The following TSC2 variants were observed in gnomAD, a reference collection of about 807,000 sequenced individuals.
TSC2 encodes the protein tuberin.
TSC2 carries 29 observed loss-of-function variants against 202.2 expected under a neutral mutation model. The observed-to-expected ratio is 0.14, with a 90% CI of 0.11 to 0.20. The LOEUF (loss-of-function observed/expected upper bound fraction) is 0.20. Ranked by LOEUF, TSC2 falls within the 10% of genes least tolerant of loss-of-function variation. TSC2 has a pLI of 1.00. For synonymous variants in TSC2, 1,349 were observed against 1,044.0 expected (o/e 1.29, Z -5.63); for missense variants, 2,429 against 2,420.0 (o/e 1.00, Z -0.08).
intron 20 of TSC2, 130 bp from the exon 21 acceptor site, chr16:2,072,719 G>C (rs960712665): frequency 6.8e-7 from 1 of 1,470,528 alleles, no homozygotes; most frequent in South Asian, 1.2e-5. Flanking sequence ...TCCTGGGAGG[G>C]AGGCAAGAAG....
chr16:2,062,345 G>A (rs1396536857), intron 12 of TSC2, 152 bp from the exon 13 acceptor site: 12 of 758,046 alleles, frequency 1.6e-5, no homozygotes, highest in South Asian at 1.1e-4. Context: ...AGTCTTCCCC[G>A]CTGCCAGGAG....
chr16:2,087,593 C>A (rs966857597), intron 38 of TSC2, among the ~76,000 whole-genome samples: 3 of 151,958 alleles, frequency 2.0e-5, no homozygotes, highest in Non-Finnish European at 4.4e-5. Context: ...TGGCTGCAGA[C>A]ACCCTGGGGG....
intron 19 of TSC2, 68 bp downstream of exon 19, chr16:2,072,002 C>G (rs1280626559): frequency 6.6e-7 from 1 of 1,507,558 alleles, no homozygotes; most frequent in African/African-American, 1.4e-5. Flanking sequence ...TGCCACCTGC[C>G]TGCTGGGCCT....
chr16:2,062,076 G>T, intron 12 of TSC2, 68 bp downstream of exon 12: 1 of 1,604,974 alleles, frequency 6.2e-7, no homozygotes, highest in East Asian at 2.2e-5. Context: ...GCTGGGTGAA[G>T]TGCAGCTTTC....
At chr16:2,088,385 G>C in intron 41 of TSC2, 60 bp downstream of exon 41, 1 of 1,612,424 alleles carries the variant, frequency 6.2e-7, no homozygotes, top group East Asian at 2.2e-5. Flanking sequence ...TGGGGCGGGT[G>C]TGTGGGCAGA....
Position 2,063,015 on chromosome 16 carries a change from C to T in TSC2, c.1405C>T (p.Leu469=), listed in dbSNP as rs1596307389. 1 of 1,551,528 alleles carries T rather than the reference C, an allele frequency of 6.4e-7. No homozygotes were observed. Among genetic ancestry groups the T allele is most frequent in the East Asian group, 2.4e-5 (1 of 40,924 alleles). Residue 469 remains leucine (L), a synonymous_variant, in exon 14 of 42, where the codon CTG becomes TTG. Transcript: ENST00000219476. The part of the protein sequence containing the change: ...GAVRIKVLDV[L]SFVLLINRQF... ...CGTGCGCATCAAGGTGCTGGACGTG[C>T]TGTCCTTTGTGCTGCTCATCAACAG...
At chr16:2,087,180 C>T (rs931192880) in intron 38 of TSC2, 1 of 459,480 alleles carries the variant, frequency 2.2e-6, no homozygotes, top group Non-Finnish European at 4.1e-6. Flanking sequence ...CCCCCACCAT[C>T]TCCCCAGTGG....
chr16:2,067,559 T>A (rs940680172), intron 16 of TSC2, among the ~76,000 whole-genome samples: 6 of 151,508 alleles, frequency 4.0e-5, no homozygotes, highest in Admixed American at 1.3e-4. Context: ...TCACCTGAGG[T>A]TGGGAGTTCA....
chr16:2,086,093 G>A (rs2151566249), intron 36 of TSC2, 100 bp from the exon 37 acceptor site: 4 of 1,416,506 alleles, frequency 2.8e-6, no homozygotes, highest in Admixed American at 1.8e-5. Flanking sequence ...TCAGGGATCA[G>A]AGTGGGGCTC....
In TSC2 at chr16:2,062,021, C is replaced by G. The variant is rs780010894; in HGVS notation, c.1257+13C>G. 2.5e-6 allele frequency: 4 copies of G among 1,613,978 alleles called. No homozygotes were observed. The highest frequency in any genetic ancestry group is 3.4e-6 in the Non-Finnish European group (4 of 1,179,996). On this transcript the variant is annotated intron_variant, in intron 12 of 41. Transcript: ENST00000219476. ...GGACCAGAGGCCTGTGAGACCCCCTCCTGGGTGGGGCCTTTGGGCTTTGGC... is the reference window on the plus strand; with the variant it reads ...GGACCAGAGGCCTGTGAGACCCCCTGCTGGGTGGGGCCTTTGGGCTTTGGC...
At chr16:2,065,282 G>A (rs1022413369) in intron 15 of TSC2, 16 of 498,614 alleles carry the variant, frequency 3.2e-5, no homozygotes, top group East Asian at 2.2e-4. Flanking sequence ...GCGTGGTGGC[G>A]GGCGCCTGTA....
Position 2,055,515 on chromosome 16 carries a change from G to C in TSC2, c.595G>C (p.Val199Leu), listed in dbSNP as rs587778733. 6.2e-7 allele frequency: 1 copy of C among 1,613,328 alleles called. No homozygotes were observed. Among genetic ancestry groups the C allele is most frequent in the South Asian group, 1.1e-5 (1 of 91,062 alleles). The change falls in exon 6 of 42, where the codon GTT becomes CTT. Residue 199 changes from valine to leucine, a missense_variant. Coordinates refer to ENST00000219476, the MANE Select transcript of TSC2 (RefSeq NM_000548.5). ...CCTCGACGAGTACATCGCAAGGATGGTTCAGTAAGAAAAGAATTGAGATCC... is the reference window on the plus strand; with the variant it reads ...CCTCGACGAGTACATCGCAAGGATGCTTCAGTAAGAAAAGAATTGAGATCC... Reference protein sequence around the residue: ...CYLDEYIARMVQMICLLCVRT... With the variant: ...CYLDEYIARMLQMICLLCVRT...
chr16:2,087,439 C>T (rs1359781001), intron 38 of TSC2, among the ~76,000 whole-genome samples: 1 of 142,006 alleles, frequency 7.0e-6, no homozygotes, highest in Non-Finnish European at 1.5e-5. Flanking sequence ...CCAGGAGGGG[C>T]AGGAGCATAG....
intron 5 of TSC2, 144 bp downstream of exon 5, chr16:2,054,584 C>A: frequency 1.6e-6 from 2 of 1,275,388 alleles, no homozygotes; most frequent in Non-Finnish European, 2.2e-6. Flanking sequence ...TGCACCTGGG[C>A]TCACCTGCGT....
intron 7 of TSC2, 141 bp downstream of exon 7, chr16:2,056,385 C>T (rs2085820887): frequency 1.6e-6 from 2 of 1,270,978 alleles, no homozygotes; most frequent in Non-Finnish European, 2.2e-6. Context: ...CTCAGGAGTC[C>T]CCCATGTAAG....
Position 2,088,280 on chromosome 16 carries a change from C to T in TSC2, c.5214C>T (p.Ser1738=), listed in dbSNP as rs761621735. 6.2e-7 allele frequency: 1 copy of T among 1,613,036 alleles called. No homozygotes were observed. The highest frequency in any genetic ancestry group is 1.1e-5 in the South Asian group (1 of 91,090). The change falls in exon 41 of 42, where the codon TCC becomes TCT. Residue 1738 remains serine, a synonymous_variant. Transcript: ENST00000219476. ...CCAACCCCACCGATATCTACCCCTC[C>T]AAGTGGATTGCCCGGCTCCGCCACA... The part of the protein sequence containing the change: ...SRSNPTDIYP[S]KWIARLRHIK...
chr16:2,074,470 C>G, intron 22 of TSC2, 81 bp downstream of exon 22: 2 of 1,545,600 alleles, frequency 1.3e-6, no homozygotes, highest in Non-Finnish European at 1.8e-6. Context: ...TGCCCTCTCT[C>G]AGGACTCCTT....
At position 2,068,103 on chromosome 16, in the gene TSC2, G is replaced by A. The variant is rs142516511; in HGVS notation, c.1717-2353G>A. Among the ~76,000 whole-genome samples, 613 of 152,198 alleles carry A rather than the reference G, an allele frequency of 4.0e-3. 2 individuals are homozygous for A. The highest frequency in any genetic ancestry group is 7.5e-3 in the Non-Finnish European group (513 of 68,002). On this transcript the variant is annotated intron_variant, in intron 16 of 41. Transcript: ENST00000219476. ...CACCCAGGCTGGAGTGCAGCGGCAC[G>A]ATCTCACCTCACTGCAACCTCCGCC... is the stretch of plus-strand genomic sequence containing the variant.
chr16:2,065,706 G>A, intron 16 of TSC2, 71 bp downstream of exon 16: 1 of 1,374,322 alleles, frequency 7.3e-7, no homozygotes, highest in African/African-American at 1.4e-5. Context: ...CATCTGCGTT[G>A]TGTTGGAGTC....
Sources: allele counts gnomAD v4.1 joint callset (sites outside exome capture counted in the v4.1 genomes callset), GRCh38; gene constraint gnomAD v4.1.1; transcripts MANE v1.5; gene names NCBI Gene and HGNC (gene_info 2026-07-23, HGNC 2026-07-21).